NALF1: variants seen among roughly 807,000 people sequenced by gnomAD.
NALF1 encodes the protein NALCN channel auxiliary factor 1.
In NALF1, 3 loss-of-function variants were observed where a neutral mutation model predicts 48.4. The ratio of observed to expected loss-of-function variants is 0.06; its 90% CI spans 0.03 to 0.16. The LOEUF (loss-of-function observed/expected upper bound fraction) is 0.16. Ranked by LOEUF, NALF1 falls within the 10% of genes least tolerant of loss-of-function variation. The pLI is 1.00. For synonymous variants in NALF1, 262 were observed against 245.7 expected, an observed-to-expected ratio of 1.07 and a Z score of -0.62; for missense variants, 526 against 571.5, an observed-to-expected ratio of 0.92 and a Z score of 0.81.
In NALF1 at chr13:107,685,228, T is replaced by C. The variant is rs141646876; in HGVS notation, c.915+180454A>G. ...ACTCAGGAGGCTGAGGCAGGAAAAT[T>C]GCTTGAACCCAGGAAGCCGAGGGTG... is the stretch of plus-strand genomic sequence containing the variant. On this transcript the variant is annotated intron_variant, in intron 1 of 2. Transcript: ENST00000375915. Among the ~76,000 whole-genome samples the C allele has an allele frequency of 3.8e-3, 585 of 152,182 alleles. 4 individuals carry two copies. The highest frequency in any genetic ancestry group is 9.3e-3 in the South Asian group (45 of 4,824).
intron 1 of NALF1, among the ~76,000 whole-genome samples, chr13:107,357,989 C>T (rs1882992170): frequency 6.6e-6 from 1 of 151,978 alleles, no homozygotes; most frequent in Non-Finnish European, 1.5e-5. Flanking sequence ...TTGGGCCATG[C>T]ATAAAAATAT....
intron 1 of NALF1, among the ~76,000 whole-genome samples, chr13:107,627,961 A>G (rs1879724821): frequency 1.3e-5 from 2 of 152,164 alleles, no homozygotes; most frequent in South Asian, 2.1e-4. Flanking sequence ...AGTCAAAGTA[A>G]TTCTACTTTC....
chr13:107,322,105 C>T (rs1053393051), intron 1 of NALF1, among the ~76,000 whole-genome samples: 3 of 152,098 alleles, frequency 2.0e-5, no homozygotes, highest in Admixed American at 6.6e-5. Context: ...TGTATTTTTC[C>T]AGGGATAACA....
chr13:107,257,825 C>T (rs74114025), intron 1 of NALF1, among the ~76,000 whole-genome samples: 1,804 of 152,206 alleles, frequency 0.012, 46 homozygotes, highest in African/African-American at 0.042. Flanking sequence ...CTTTGGAGAG[C>T]TTCAGAGCTT....
chr13:107,715,738 G>A (rs1030200646), intron 1 of NALF1, among the ~76,000 whole-genome samples: 4 of 152,294 alleles, frequency 2.6e-5, no homozygotes, highest in African/African-American at 7.2e-5. Flanking sequence ...CTTCTGGCAC[G>A]GAGGCCTCTC....
chr13:107,475,872 T>C (rs954179420), intron 1 of NALF1, among the ~76,000 whole-genome samples: 1 of 152,142 alleles, frequency 6.6e-6, no homozygotes, highest in African/African-American at 2.4e-5. Context: ...AAAGTCTTCA[T>C]CCAGTGCTGC....
At chr13:107,293,788 C>T (rs9514650) in intron 1 of NALF1, among the ~76,000 whole-genome samples, 29,758 of 152,178 alleles carry the variant, frequency 0.2, 3,547 homozygotes, top group Non-Finnish European at 0.26. Flanking sequence ...TTGTTTTGAG[C>T]TACAAGGCTC....
intron 1 of NALF1, among the ~76,000 whole-genome samples, chr13:107,281,321 G>T (rs536812072): frequency 9.9e-5 from 15 of 152,194 alleles, no homozygotes; most frequent in Non-Finnish European, 1.6e-4. Context: ...TTGAAATAAT[G>T]AGGTATTTTG....
intron 1 of NALF1, among the ~76,000 whole-genome samples, chr13:107,430,615 C>A (rs1028684317): frequency 6.6e-6 from 1 of 152,196 alleles, no homozygotes; most frequent in Non-Finnish European, 1.5e-5. Flanking sequence ...CATGTACCTA[C>A]AAAGGACATG....
chr13:107,640,197 T>C (rs1188218939), intron 1 of NALF1, among the ~76,000 whole-genome samples: 1 of 152,152 alleles, frequency 6.6e-6, no homozygotes, highest in Non-Finnish European at 1.5e-5. Context: ...TTACACAGTG[T>C]TAAAGGTTAT....
intron 1 of NALF1, among the ~76,000 whole-genome samples, chr13:107,686,473 C>T (rs1453986688): frequency 1.3e-5 from 2 of 152,072 alleles, no homozygotes; most frequent in Non-Finnish European, 2.9e-5. Flanking sequence ...TGGCTCACTG[C>T]AACCTCCACC....
rs1410308691 is a variant in NALF1, at chr13:107,866,703, C to T, written c.-107G>A. 1.2e-6 allele frequency: 1 copy of T among 866,896 alleles called. No individual in the cohort carries two copies. Among genetic ancestry groups the T allele is most frequent in the Non-Finnish European group, 1.8e-6 (1 of 564,282 alleles). The allele number at this position is 866,896 out of a possible 1,614,324, so 53.7% of individuals were successfully genotyped here. On this transcript the variant is annotated 5_prime_UTR_variant, in exon 1 of 3. Transcript: ENST00000375915. This position sits in a 1 kb window ranked among gnomAD's most constrained non-coding sequence, Gnocchi z 4.4. ...GGTTTAATTTCCTTATCCCCTCCTC[C>T]CGTTTCTTCTCTCTCCTCTCTCTCT...
intron 1 of NALF1, among the ~76,000 whole-genome samples, chr13:107,805,602 G>GA (rs1464536367): frequency 6.6e-6 from 1 of 151,526 alleles, no homozygotes; most frequent in African/African-American, 2.4e-5. Context: ...TATTCCATCA[G>GA]AAAAAAAAGC....
intron 1 of NALF1, among the ~76,000 whole-genome samples, chr13:107,363,605 T>C (rs1337646713): frequency 6.6e-6 from 1 of 152,154 alleles, no homozygotes; most frequent in Admixed American, 6.6e-5. Context: ...ACTGTTTAAA[T>C]CAAAGCAGTA....
intron 1 of NALF1, among the ~76,000 whole-genome samples, chr13:107,662,062 G>A (rs1362763742): frequency 1.3e-5 from 2 of 152,148 alleles, no homozygotes; most frequent in Non-Finnish European, 2.9e-5. Context: ...GGTTGGAGGA[G>A]GACAGCAGAA....
intron 1 of NALF1, among the ~76,000 whole-genome samples, chr13:107,543,987 A>G (rs960322333): frequency 1.3e-5 from 2 of 152,076 alleles, no homozygotes; most frequent in Non-Finnish European, 2.9e-5. Flanking sequence ...CAATTTTTTA[A>G]AAAATCTACC....
intron 1 of NALF1, among the ~76,000 whole-genome samples, chr13:107,644,809 C>A (rs1287712286): frequency 1.3e-5 from 2 of 151,664 alleles, no homozygotes; most frequent in East Asian, 3.9e-4. Context: ...AGTGAACACA[C>A]CTCTGGAACC....
chr13:107,379,982 T>C (rs1165136157), intron 1 of NALF1, among the ~76,000 whole-genome samples: 1 of 152,220 alleles, frequency 6.6e-6, no homozygotes, highest in East Asian at 1.9e-4. Flanking sequence ...AGGCACAGGC[T>C]TAACTGGTAA....
intron 1 of NALF1, among the ~76,000 whole-genome samples, chr13:107,462,018 T>C (rs569089580): frequency 2.6e-5 from 4 of 152,324 alleles, no homozygotes; most frequent in African/African-American, 9.6e-5. Flanking sequence ...ATTTACCCGT[T>C]ACATATTTTC....
Sources: allele counts gnomAD v4.1 joint callset (sites outside exome capture counted in the v4.1 genomes callset), GRCh38; gene constraint gnomAD v4.1.1; non-coding constraint Gnocchi (gnomAD v3.1); transcripts MANE v1.5; gene names NCBI Gene and HGNC (gene_info 2026-07-23, HGNC 2026-07-21).